The following UGT1A10 variants were observed in gnomAD, a reference collection of about 807,000 sequenced individuals.
The protein encoded by UGT1A10 is UDP glucuronosyltransferase family 1 member A10.
A neutral mutation model predicts 45.8 loss-of-function variants in UGT1A10; 49 were observed. The ratio of observed to expected loss-of-function variants is 1.07; its 90% confidence interval spans 0.85 to 1.36. The LOEUF is 1.36. Ranked by LOEUF, UGT1A10 falls within the 40% of genes most tolerant of loss-of-function variation. The probability of loss-of-function intolerance (pLI) is 0.00; values close to 1 mark genes in which losing one functional copy is unlikely to be tolerated. For missense variants in UGT1A10, 745 were observed against 668.6 expected, an observed-to-expected ratio of 1.11 and a Z score of -1.26; for synonymous variants, 284 against 249.7, an observed-to-expected ratio of 1.14 and a Z score of -1.29.
chr2:233,692,118 A>G (rs917986255), intron 1 of UGT1A10: 1 of 152,200 alleles, frequency 6.6e-6, no homozygotes, highest in East Asian at 1.9e-4. Context: ...AATCTAATCA[A>G]TCATGCCTAC....
rs774677126 is a variant in UGT1A10 at position 233,772,538 on chromosome 2, C to A, written c.1572C>A (p.Ala524=). The change falls in exon 5 of 5, where the codon GCC becomes GCA. Residue 524 remains alanine, a synonymous_variant. Coordinates refer to ENST00000344644, the MANE Select transcript of UGT1A10 (RefSeq NM_019075.4). ...CLGKKGRVKK[A]HKSKTH ...GGAAAAAAGGGCGAGTTAAGAAAGC[C>A]CACAAATCCAAGACCCATTGAGAAG... The A allele has an allele frequency of 3.7e-6, 6 of 1,613,922 alleles. No homozygotes were observed. The Admixed American group carries it at 8.3e-5, about 22-fold the overall frequency.
chr2:233,727,264 C>T (rs1345980059), intron 1 of UGT1A10, among the ~76,000 whole-genome samples: 1 of 152,152 alleles, frequency 6.6e-6, no homozygotes, highest in East Asian at 1.9e-4. Flanking sequence ...CAGACCCCTC[C>T]TCATCTCCAG....
Position 233,746,118 on chromosome 2 carries a change from A to C in UGT1A10, c.856-20916A>C, listed in dbSNP as rs544937305. On this transcript the variant is annotated intron_variant, in intron 1 of 4. Transcript: ENST00000344644. ...CATGTCCAGAGTGCTTACTGTCTGC[A>C]AAACTGTGGACTGGCACCTGAGTGA... 3.3e-4 allele frequency among the ~76,000 whole-genome samples: 50 copies of C among 151,986 alleles called. 2 individuals carry two copies. Among genetic ancestry groups the C allele is most frequent in the African/African-American group, 1.1e-3 (46 of 41,248 alleles).
intron 1 of UGT1A10, among the ~76,000 whole-genome samples, chr2:233,653,056 C>T (rs1275153730): frequency 6.6e-6 from 1 of 152,200 alleles, no homozygotes; most frequent in Non-Finnish European, 1.5e-5. Context: ...TGCAAGTAAA[C>T]ATGTACGTGC....
intron 1 of UGT1A10, among the ~76,000 whole-genome samples, chr2:233,695,609 A>G (rs1437584077): frequency 6.6e-6 from 1 of 151,892 alleles, no homozygotes; most frequent in Admixed American, 6.6e-5. Flanking sequence ...GTAATTACCA[A>G]TGAACTCTCT....
intron 4 of UGT1A10, among the ~76,000 whole-genome samples, chr2:233,771,927 C>A (rs1388593829): frequency 6.6e-6 from 1 of 152,006 alleles, no homozygotes; most frequent in African/African-American, 2.4e-5. Context: ...ACAGCCTGGG[C>A]AACACAATAA....
At chr2:233,717,158 G>A (rs75491591) in intron 1 of UGT1A10, among the ~76,000 whole-genome samples, 1 of 152,182 alleles carries the variant, frequency 6.6e-6, no homozygotes, top group Non-Finnish European at 1.5e-5. Flanking sequence ...GAACATGGGA[G>A]CCCCTTGAAT....
Position 233,637,137 on chromosome 2 carries a change from G to A in UGT1A10, c.615G>A (p.Glu205=). The A allele has an allele frequency of 6.2e-7, 1 of 1,613,962 alleles. No homozygotes were observed. The highest frequency in any genetic ancestry group is 8.5e-7 in the Non-Finnish European group (1 of 1,179,866). ...TCTCAGATGCCATGACTTTCAAGGAGAGAGTATGGAACCACATCGTGCACT... is the reference window on the plus strand; with the variant it reads ...TCTCAGATGCCATGACTTTCAAGGAAAGAGTATGGAACCACATCGTGCACT... The part of the protein sequence containing the change: ...LGFSDAMTFK[E]RVWNHIVHLE... The change falls in exon 1 of 5, where the codon GAG becomes GAA. Residue 205 remains glutamate (E), a synonymous_variant. Coordinates refer to ENST00000344644, the MANE Select transcript of UGT1A10 (RefSeq NM_019075.4).
chr2:233,749,248 ATTT>A (rs1216234192), intron 1 of UGT1A10, among the ~76,000 whole-genome samples: 1 of 151,808 alleles, frequency 6.6e-6, no homozygotes, highest in Non-Finnish European at 1.5e-5. Context: ...AAACCACATG[ATTT>A]TTTTATTGGT....
At chr2:233,750,904 G>C (rs1235200101) in intron 1 of UGT1A10, among the ~76,000 whole-genome samples, 1 of 151,906 alleles carries the variant, frequency 6.6e-6, no homozygotes, top group Non-Finnish European at 1.5e-5. Context: ...ACCTCTGCTA[G>C]AGAAGGGTGG....
At chr2:233,666,632 G>C (rs2074080827) in intron 1 of UGT1A10, among the ~76,000 whole-genome samples, 1 of 151,074 alleles carries the variant, frequency 6.6e-6, no homozygotes, top group African/African-American at 2.4e-5. Context: ...TTGTTTGTTT[G>C]TTTTTATTTT....
chr2:233,752,430 A>C (rs1694969387), intron 1 of UGT1A10: 2 of 152,050 alleles, frequency 1.3e-5, no homozygotes, highest in African/African-American at 4.8e-5. Context: ...GATTTATCGA[A>C]CCCTTTTATA....
At chr2:233,755,246 C>T (rs1229068281) in intron 1 of UGT1A10, 3 of 850,962 alleles carry the variant, frequency 3.5e-6, no homozygotes, top group Non-Finnish European at 5.3e-6. Flanking sequence ...GGGGTACTCC[C>T]AGCACCTCGT....
chr2:233,754,969 T>G (rs1369050195), intron 1 of UGT1A10: 1 of 1,302,528 alleles, frequency 7.7e-7, no homozygotes, highest in East Asian at 4.6e-5. Flanking sequence ...AAGAACTCCC[T>G]GAAGACCTCG....
At chr2:233,668,193 T>C (rs1385301352) in intron 1 of UGT1A10, among the ~76,000 whole-genome samples, 1 of 152,176 alleles carries the variant, frequency 6.6e-6, no homozygotes, top group African/African-American at 2.4e-5. Flanking sequence ...TTCCTAATGC[T>C]ATCCCTCCCC....
chr2:233,664,659 T>A (rs999441284), intron 1 of UGT1A10, among the ~76,000 whole-genome samples: 1 of 152,122 alleles, frequency 6.6e-6, no homozygotes, highest in Non-Finnish European at 1.5e-5. Context: ...TTGTGAATAC[T>A]CACTGACTAT....
intron 1 of UGT1A10, among the ~76,000 whole-genome samples, chr2:233,720,965 C>T (rs921825655): frequency 2.6e-5 from 4 of 151,612 alleles, no homozygotes; most frequent in Admixed American, 6.6e-5. Flanking sequence ...CCCGCCTCGG[C>T]CTCCCAAAGT....
At chr2:233,746,265 C>T (rs187514797) in intron 1 of UGT1A10, among the ~76,000 whole-genome samples, 21 of 151,710 alleles carry the variant, frequency 1.4e-4, no homozygotes, top group Admixed American at 8.5e-4. Context: ...CAGAACAAAA[C>T]GCTGTGGGGA....
At chr2:233,704,891 T>C (rs2075812079) in intron 1 of UGT1A10, among the ~76,000 whole-genome samples, 2 of 152,120 alleles carry the variant, frequency 1.3e-5, no homozygotes. Flanking sequence ...CCCAGCACTT[T>C]GGAAGGCTGA....
Sources: gnomAD v4.1 joint callset for allele counts (sites outside exome capture counted in the v4.1 genomes callset) on GRCh38, gnomAD v4.1.1 for gene constraint, MANE v1.5 for transcripts, NCBI Gene and HGNC (gene_info 2026-07-23, HGNC 2026-07-21) for gene names.